Variants in RBL1 observed in about 807,000 individuals in gnomAD.
RBL1 encodes the protein RB transcriptional corepressor like 1, also known as retinoblastoma-like protein 1.
Under a neutral mutation model 123.0 loss-of-function variants are expected in RBL1, and 82 were observed. The observed-to-expected ratio is 0.67, with a 90% CI of 0.56 to 0.80. RBL1 has a LOEUF of 0.80. Ranked by LOEUF, RBL1 falls within the 30% of genes least tolerant of loss-of-function variation. The probability of loss-of-function intolerance (pLI) is 0.00; values close to 1 mark genes in which losing one functional copy is unlikely to be tolerated. For synonymous variants in RBL1, 405 were observed against 441.3 expected (o/e 0.92, Z 1.03); for missense variants, 1,171 against 1,299.6 (o/e 0.90, Z 1.52).
intron 9 of RBL1, among the ~76,000 whole-genome samples, chr20:37,056,991 T>A (rs6073179): frequency 0.67 from 97,383 of 145,794 alleles, 32,307 homozygotes; most frequent in South Asian, 0.74. Context: ...CTCTATTTCT[T>A]TCTATCTATC....
chr20:37,054,419 G>GGTTGCAGTGAGCCAAGATCGCGCC (rs1257873607), intron 11 of RBL1, among the ~76,000 whole-genome samples: 1 of 151,994 alleles, frequency 6.6e-6, no homozygotes, highest in African/African-American at 2.4e-5. Flanking sequence ...GCGAGGCGGA[G>GGTTGCAGTGAGCCAAGATCGCGCC]GTTGCAGTGA....
At chr20:37,038,815 C>G (rs898899847) in intron 14 of RBL1, among the ~76,000 whole-genome samples, 1 of 151,772 alleles carries the variant, frequency 6.6e-6, no homozygotes, top group African/African-American at 2.4e-5. Flanking sequence ...GTTGGCCAGG[C>G]TGGTCTCAAA....
intron 11 of RBL1, among the ~76,000 whole-genome samples, chr20:37,052,616 TCTC>T (rs1180713810): frequency 6.6e-6 from 1 of 152,180 alleles, no homozygotes; most frequent in African/African-American, 2.4e-5. Flanking sequence ...TTCAAGCGAT[TCTC>T]CTGTCTCAGA....
chr20:37,017,620 T>TTGTGTGTGTGTGTGTGTGTGTGTGTGTG (rs147347259), intron 19 of RBL1, among the ~76,000 whole-genome samples: 14 of 139,722 alleles, frequency 1.0e-4, no homozygotes, highest in African/African-American at 2.2e-4. Context: ...GGACATTTTC[T>TTGTGTGTGTGTGTGTGTGTGTGTGTGTG]TGTGTGTGTG....
At chr20:37,009,503 G>T (rs1345660305) in intron 19 of RBL1, among the ~76,000 whole-genome samples, 2 of 152,066 alleles carry the variant, frequency 1.3e-5, no homozygotes, top group East Asian at 3.9e-4. Context: ...GACTACAGGT[G>T]CACGCTGCCA....
At chr20:37,040,388 G>A (rs1568848765) in intron 13 of RBL1, 103 bp from the exon 14 acceptor site, 14 of 1,459,460 alleles carry the variant, frequency 9.6e-6, no homozygotes, top group Non-Finnish European at 9.9e-6. Context: ...GTCTCATTCT[G>A]TTGCCCAGGC....
chr20:37,018,495 G>T, intron 18 of RBL1, 126 bp from the exon 19 acceptor site: 1 of 1,297,918 alleles, frequency 7.7e-7, no homozygotes, highest in Non-Finnish European at 1.0e-6. Flanking sequence ...GATACTCAAG[G>T]GTAAAATGTT....
intron 16 of RBL1, 110 bp downstream of exon 16, chr20:37,032,555 A>C (rs188696540): frequency 5.7e-4 from 850 of 1,498,568 alleles, no homozygotes; most frequent in Non-Finnish European, 7.3e-4. Flanking sequence ...AAAATGGTAA[A>C]TTTTGTGTTA....
intron 16 of RBL1, 103 bp downstream of exon 16, chr20:37,032,562 G>T (rs2064530165): frequency 6.6e-7 from 1 of 1,515,252 alleles, no homozygotes; most frequent in South Asian, 1.3e-5. Context: ...TAAATTTTGT[G>T]TTATGTATAT....
chr20:37,074,231 T>C (rs150500513), intron 2 of RBL1, among the ~76,000 whole-genome samples: 16 of 151,850 alleles, frequency 1.1e-4, no homozygotes, highest in Admixed American at 7.2e-4. Context: ...CTGGGCAACA[T>C]AGAGAGAACC....
chr20:37,025,101 A>G (rs2064398820), intron 16 of RBL1, among the ~76,000 whole-genome samples: 2 of 152,260 alleles, frequency 1.3e-5, no homozygotes, highest in Non-Finnish European at 2.9e-5. Flanking sequence ...TGAAAGGAAC[A>G]GAAGACAAAG....
intron 19 of RBL1, among the ~76,000 whole-genome samples, chr20:37,011,695 A>C (rs997947496): frequency 2.0e-5 from 3 of 152,126 alleles, no homozygotes; most frequent in Non-Finnish European, 2.9e-5. Flanking sequence ...TCGGTCTCCC[A>C]AAGTGCTGGG....
rs770992115 is a variant in RBL1 at position 37,095,784 on chromosome 20, A to G, written c.145T>C (p.Tyr49His). ...CTGCTGCCGCTCACCTCTAGGCTGTAGTTGCCTCGGATGGCAGTAAAGTCG... is the reference window on the plus strand; with the variant it reads ...CTGCTGCCGCTCACCTCTAGGCTGTGGTTGCCTCGGATGGCAGTAAAGTCG... ...LDDFTAIRGN[Y>H]SLEGEVTHWL... Residue 49 changes from tyrosine (Y) to histidine (H), a missense_variant, in exon 1 of 22, where the codon TAC becomes CAC. Tyr to His is a moderately conservative substitution (Grantham distance 83). Coordinates refer to ENST00000373664, the MANE Select transcript of RBL1 (RefSeq NM_002895.5). 1.2e-6 allele frequency: 2 copies of G among 1,608,704 alleles called. No homozygotes were observed. The highest frequency in any genetic ancestry group is 2.2e-5 in the East Asian group (1 of 44,782).
chr20:37,064,135 C>CT (rs1568871472), intron 7 of RBL1, among the ~76,000 whole-genome samples: 5 of 143,182 alleles, frequency 3.5e-5, no homozygotes, highest in African/African-American at 1.3e-4. Flanking sequence ...AATTTCTTTT[C>CT]TTTCTTTTTT....
At chr20:37,048,842 T>G (rs1180109290) in intron 11 of RBL1, among the ~76,000 whole-genome samples, 1 of 147,738 alleles carries the variant, frequency 6.8e-6, no homozygotes, top group Non-Finnish European at 1.5e-5. Flanking sequence ...GGCAGGAGGA[T>G]CACTTGAACC....
intron 16 of RBL1, among the ~76,000 whole-genome samples, chr20:37,026,632 C>T (rs893816014): frequency 1.3e-5 from 2 of 149,000 alleles, no homozygotes; most frequent in Non-Finnish European, 3.0e-5. Flanking sequence ...TGAACCCGGG[C>T]GGCAGAGGTT....
At chr20:37,001,569 C>G (rs376609039) in intron 21 of RBL1, among the ~76,000 whole-genome samples, 5,747 of 150,834 alleles carry the variant, frequency 0.038, 177 homozygotes, top group African/African-American at 0.13. Flanking sequence ...GCAGCATGCT[C>G]GTTAAGAGTC....
At chr20:37,007,777 G>T (rs1216759719) in intron 19 of RBL1, among the ~76,000 whole-genome samples, 1 of 151,954 alleles carries the variant, frequency 6.6e-6, no homozygotes, top group Non-Finnish European at 1.5e-5. Flanking sequence ...TTTTAGTAGA[G>T]ACGGGGTTTT....
intron 21 of RBL1, chr20:37,003,437 C>G: frequency 4.0e-6 from 2 of 500,022 alleles, no homozygotes; most frequent in Non-Finnish European, 5.5e-6. Context: ...TGTTGCCTTA[C>G]TGGTCCCTTC....
Sources: allele counts gnomAD v4.1 joint callset (sites outside exome capture counted in the v4.1 genomes callset), GRCh38; gene constraint gnomAD v4.1.1; transcripts MANE v1.5; gene names NCBI Gene and HGNC (gene_info 2026-07-23, HGNC 2026-07-21).